Variants in TDRD1 observed in about 807,000 individuals in gnomAD.
The protein encoded by TDRD1 is tudor domain containing 1, also known as tudor domain-containing protein 1.
In TDRD1, 37 loss-of-function variants were observed where a neutral mutation model predicts 140.6. That is an observed-to-expected ratio of 0.26 (90% CI 0.20 to 0.35). The LOEUF (loss-of-function observed/expected upper bound fraction) is 0.35, where lower values mean the gene tolerates loss of function less well. Among genes scored for constraint, TDRD1 ranks in the 10% least tolerant of loss-of-function variants. TDRD1 has a pLI of 1.00. For synonymous variants in TDRD1, 506 were observed against 475.7 expected, an observed-to-expected ratio of 1.06 and a Z score of -0.83; for missense variants, 1,243 against 1,393.0, an observed-to-expected ratio of 0.89 and a Z score of 1.71.
intron 16 of TDRD1, 127 bp from the exon 17 acceptor site, chr10:114,217,418 A>G (rs548231862): frequency 2.8e-4 from 145 of 524,374 alleles, no homozygotes; most frequent in African/African-American, 2.7e-3. Flanking sequence ...CATTGGGTAG[A>G]CTTAATAGTA....
intron 1 of TDRD1, among the ~76,000 whole-genome samples, chr10:114,183,599 C>G (rs1432619824): frequency 1.3e-5 from 2 of 151,130 alleles, no homozygotes; most frequent in African/African-American, 4.9e-5. Flanking sequence ...TTTTTTACTG[C>G]TTTTTCATTT....
intron 23 of TDRD1, among the ~76,000 whole-genome samples, 153 bp from the exon 24 acceptor site, chr10:114,227,757 G>A (rs2036520590): frequency 6.6e-6 from 1 of 152,216 alleles, no homozygotes; most frequent in East Asian, 1.9e-4. Flanking sequence ...GACCATGGTA[G>A]TAGATAATCT....
At chr10:114,185,040 C>T (rs190489163) in intron 1 of TDRD1, among the ~76,000 whole-genome samples, 3 of 152,126 alleles carry the variant, frequency 2.0e-5, no homozygotes, top group Admixed American at 6.5e-5. Flanking sequence ...TCTTTACTAT[C>T]GCCTGTTTTC....
chr10:114,189,349 G>A (rs1197221579), intron 2 of TDRD1, among the ~76,000 whole-genome samples: 2 of 152,128 alleles, frequency 1.3e-5, no homozygotes, highest in Non-Finnish European at 2.9e-5. Flanking sequence ...CTCTCTTCTT[G>A]GAACATACTT....
At chr10:114,180,977 A>G (rs1324502266) in intron 1 of TDRD1, among the ~76,000 whole-genome samples, 2 of 152,220 alleles carry the variant, frequency 1.3e-5, no homozygotes, top group African/African-American at 4.8e-5. Context: ...GCCCCCAGCA[A>G]CATCAGGGAG....
chr10:114,177,837 T>TA (rs1375800473), upstream of TDRD1, among the ~76,000 whole-genome samples: 2 of 147,794 alleles, frequency 1.4e-5, no homozygotes, highest in East Asian at 2.0e-4. Context: ...TCTTTTTCTT[T>TA]TTTTTTTTTT....
chr10:114,188,314 G>T (rs567587120), intron 2 of TDRD1, among the ~76,000 whole-genome samples, 158 bp downstream of exon 2: 1 of 152,238 alleles, frequency 6.6e-6, no homozygotes, highest in South Asian at 2.1e-4. Flanking sequence ...GGAAAAACCA[G>T]ATACCAAGTG....
chr10:114,213,943 A>G (rs2035647606), intron 15 of TDRD1, 34 bp from the exon 16 acceptor site: 1 of 1,612,302 alleles, frequency 6.2e-7, no homozygotes, highest in Non-Finnish European at 8.5e-7. Flanking sequence ...TCCCTCCTCC[A>G]CTATGTCCAT....
chr10:114,230,182 T>A (rs1331361834), intron 25 of TDRD1, among the ~76,000 whole-genome samples: 1 of 152,220 alleles, frequency 6.6e-6, no homozygotes, highest in African/African-American at 2.4e-5. Flanking sequence ...GTTCTTCTTA[T>A]CTGTGTAACA....
exon 12 of TDRD1, chr10:114,210,732 A>G (rs913862017): frequency 1.2e-6 from 2 of 1,610,324 alleles, no homozygotes; most frequent in Non-Finnish European, 8.5e-7. Flanking sequence ...TCTTTTGTCA[A>G]CAACTGCAAA....
intron 1 of TDRD1, among the ~76,000 whole-genome samples, chr10:114,185,109 C>T (rs1255003852): frequency 2.6e-5 from 4 of 152,142 alleles, no homozygotes; most frequent in African/African-American, 9.7e-5. Flanking sequence ...ATTTCTTCTC[C>T]TTCAGTCGGG....
At position 114,206,609 on chromosome 10, in the gene TDRD1, TTG is replaced by T. The variant is rs754828404; in HGVS notation, c.1384+281_1384+282del. On this transcript the variant is annotated intron_variant, in intron 11 of 25. Coordinates refer to ENST00000251864, the Ensembl canonical transcript of TDRD1. ...TATCATAACACTTTAGAGTTAGGGT[TTG>T]TTTTTTTTTTTTTTTTTTTGAGATG... Among the ~76,000 whole-genome samples, 291 of 138,118 alleles carry T rather than the reference TTG, an allele frequency of 2.1e-3. 1 individual carries two copies. The highest frequency in any genetic ancestry group is 6.3e-3 in the African/African-American group (227 of 35,968). The allele number at this position is 138,118 out of a possible 152,430, so 90.6% of individuals were successfully genotyped here.
chr10:114,185,697 C>T (rs1375363588), intron 1 of TDRD1, among the ~76,000 whole-genome samples: 2 of 152,090 alleles, frequency 1.3e-5, no homozygotes, highest in Non-Finnish European at 1.5e-5. Context: ...AAGCCATTCT[C>T]CTGCCTCAGC....
rs188384288 is a variant in TDRD1, at chr10:114,223,440, C to T, written c.3007+737C>T. ...CTTCCTCAATCTTGGGCTCCAGTGG[C>T]GTTTCAAAACCCCCCATCTGGATCC... On this transcript the variant is annotated intron_variant, in intron 21 of 25. Transcript: ENST00000251864. Among the ~76,000 whole-genome samples the T allele has an allele frequency of 1.3e-3, 196 of 152,324 alleles. 1 individual carries two copies. The highest frequency in any genetic ancestry group is 1.7e-3 in the Non-Finnish European group (118 of 68,028).
At chr10:114,205,655 T>C (rs1204009090) in intron 10 of TDRD1, among the ~76,000 whole-genome samples, 1 of 152,176 alleles carries the variant, frequency 6.6e-6, no homozygotes, top group Non-Finnish European at 1.5e-5. Context: ...GATTTCAAAG[T>C]GAGATCTTTT....
intron 1 of TDRD1, chr10:114,179,854 A>G (rs1172813482): frequency 2.0e-5 from 3 of 152,234 alleles, no homozygotes; most frequent in Admixed American, 6.5e-5. Flanking sequence ...GCTGTGTGCC[A>G]GTAGCTTTTC....
At chr10:114,214,974 C>G (rs188680063) in intron 16 of TDRD1, among the ~76,000 whole-genome samples, 27 of 152,218 alleles carry the variant, frequency 1.8e-4, no homozygotes, top group Middle Eastern at 3.4e-3. Context: ...ATCTCCTGAC[C>G]TTGTGAATCC....
intron 20 of TDRD1, among the ~76,000 whole-genome samples, chr10:114,222,197 A>G (rs1340068417): frequency 6.6e-6 from 1 of 152,214 alleles, no homozygotes; most frequent in Non-Finnish European, 1.5e-5. Context: ...TGATCCTGAC[A>G]ACATGTTGTA....
chr10:114,184,006 T>C (rs1318994355), intron 1 of TDRD1, among the ~76,000 whole-genome samples: 1 of 152,160 alleles, frequency 6.6e-6, no homozygotes, highest in African/African-American at 2.4e-5. Context: ...AGGTACCAAG[T>C]CAGTGGCTAG....
Sources: gnomAD v4.1 joint callset for allele counts (sites outside exome capture counted in the v4.1 genomes callset) on GRCh38, gnomAD v4.1.1 for gene constraint, MANE v1.5 for transcripts, NCBI Gene and HGNC (gene_info 2026-07-23, HGNC 2026-07-21) for gene names.